The following IMMP2L variants were observed in gnomAD, a reference collection of about 807,000 sequenced individuals.
The protein encoded by IMMP2L is mitochondrial inner membrane protease subunit 2.
Under a neutral mutation model 19.3 loss-of-function variants are expected in IMMP2L, and 18 were observed. That is an observed-to-expected ratio of 0.93 (90% CI 0.64 to 1.38). The LOEUF is 1.38. IMMP2L is among the 40% of genes most tolerant of loss of function. The pLI is 0.00. For missense variants in IMMP2L, 233 were observed against 218.2 expected (o/e 1.07, Z -0.43); for synonymous variants, 76 against 73.0 (o/e 1.04, Z -0.21).
chr7:110,981,915 T>C (rs1461788032), intron 3 of IMMP2L, among the ~76,000 whole-genome samples: 2 of 152,156 alleles, frequency 1.3e-5, no homozygotes, highest in Admixed American at 6.5e-5. Context: ...CCTGGAATTA[T>C]AAGTACCTTC....
intron 5 of IMMP2L, among the ~76,000 whole-genome samples, chr7:110,859,043 G>A (rs1206572365): frequency 6.6e-6 from 1 of 152,076 alleles, no homozygotes; most frequent in Non-Finnish European, 1.5e-5. Flanking sequence ...ACCCCAAACA[G>A]ATAAGCAACT....
At chr7:110,698,911 GA>G (rs964156276) in intron 5 of IMMP2L, among the ~76,000 whole-genome samples, 8 of 152,104 alleles carry the variant, frequency 5.3e-5, no homozygotes, top group African/African-American at 1.9e-4. Flanking sequence ...GAAATATTTT[GA>G]ATTCTTATTT....
chr7:111,192,029 A>G (rs760475839), intron 3 of IMMP2L, among the ~76,000 whole-genome samples: 1 of 152,104 alleles, frequency 6.6e-6, no homozygotes, highest in Non-Finnish European at 1.5e-5. Flanking sequence ...CAGAAGTCGC[A>G]CTGGCACAGA....
At chr7:111,438,730 G>A (rs904965969) in intron 3 of IMMP2L, among the ~76,000 whole-genome samples, 1 of 151,794 alleles carries the variant, frequency 6.6e-6, no homozygotes, top group Non-Finnish European at 1.5e-5. Flanking sequence ...GATTAGTCAC[G>A]CTTCTTCCCA....
intron 5 of IMMP2L, among the ~76,000 whole-genome samples, chr7:110,695,120 T>C (rs1360146913): frequency 1.3e-5 from 2 of 151,948 alleles, no homozygotes; most frequent in Non-Finnish European, 2.9e-5. Context: ...GTAATGAAAA[T>C]ATTTTGGAAG....
intron 4 of IMMP2L, among the ~76,000 whole-genome samples, chr7:110,913,070 A>G (rs1024690544): frequency 2.6e-5 from 4 of 152,160 alleles, no homozygotes; most frequent in Admixed American, 1.3e-4. Context: ...TGTAGTTTCC[A>G]TGCTTTGTTG....
intron 4 of IMMP2L, among the ~76,000 whole-genome samples, chr7:110,957,242 A>G (rs1818444540): frequency 6.6e-6 from 1 of 151,962 alleles, no homozygotes; most frequent in Non-Finnish European, 1.5e-5. Context: ...TTCTCTGAAA[A>G]AGTACTCTGA....
intron 3 of IMMP2L, among the ~76,000 whole-genome samples, chr7:111,032,009 G>A (rs1585856796): frequency 7.0e-6 from 1 of 142,490 alleles, no homozygotes; most frequent in East Asian, 2.0e-4. Context: ...TGCGACTTCA[G>A]CTCACTGCAA....
chr7:111,012,322 T>C (rs1030320481), intron 3 of IMMP2L, among the ~76,000 whole-genome samples: 3 of 152,138 alleles, frequency 2.0e-5, no homozygotes, highest in Non-Finnish European at 4.4e-5. Flanking sequence ...GAGTACCTCA[T>C]ACAATGTTGC....
intron 3 of IMMP2L, among the ~76,000 whole-genome samples, chr7:111,226,108 T>C (rs1813064029): frequency 6.6e-6 from 1 of 151,970 alleles, no homozygotes; most frequent in African/African-American, 2.4e-5. Context: ...TTCTTCCCCA[T>C]TCCCTTTTTT....
chr7:111,051,169 G>A (rs1377261734), intron 3 of IMMP2L, among the ~76,000 whole-genome samples: 2 of 152,034 alleles, frequency 1.3e-5, no homozygotes, highest in Non-Finnish European at 2.9e-5. Context: ...TTTTTTTTAT[G>A]GTCTTAAGTA....
chr7:111,526,137 G>A (rs954619113), intron 1 of IMMP2L, among the ~76,000 whole-genome samples: 4 of 152,176 alleles, frequency 2.6e-5, no homozygotes, highest in African/African-American at 9.7e-5. Context: ...AATTTATTAC[G>A]TGAATTTTTA....
chr7:110,950,841 C>CGCATATATATATATAT (rs1817721849), intron 4 of IMMP2L, among the ~76,000 whole-genome samples: 1 of 100,614 alleles, frequency 9.9e-6, no homozygotes, highest in African/African-American at 4.3e-5. Flanking sequence ...CAAAATGTGG[C>CGCATATATATATATAT]ATATATATAT....
At chr7:111,521,522 A>G (rs1289098175) in intron 1 of IMMP2L, 73 bp from the exon 2 acceptor site, 10 of 1,389,254 alleles carry the variant, frequency 7.2e-6, no homozygotes, top group Admixed American at 2.2e-5. Flanking sequence ...AAAACAGTAC[A>G]TGAAAAGTAA....
chr7:111,394,607 T>C (rs1332458839), intron 3 of IMMP2L, among the ~76,000 whole-genome samples: 1 of 152,082 alleles, frequency 6.6e-6, no homozygotes, highest in South Asian at 2.1e-4. Flanking sequence ...CAAGCCGAAA[T>C]AAGTTAGTTC....
At chr7:111,540,378 A>C (rs1848406672) in intron 1 of IMMP2L, among the ~76,000 whole-genome samples, 1 of 152,192 alleles carries the variant, frequency 6.6e-6, no homozygotes, top group South Asian at 2.1e-4. Flanking sequence ...GCAATTGCAG[A>C]ACGGCACTTC....
At chr7:110,861,098 TGAGAGAGAGAGAGA>T (rs5886583) in intron 5 of IMMP2L, among the ~76,000 whole-genome samples, 5 of 141,730 alleles carry the variant, frequency 3.5e-5, no homozygotes, top group African/African-American at 1.3e-4. Flanking sequence ...TGTGTGTGTG[TGAGAGAGAGAGAGA>T]GAGAGAGAGA....
chr7:110,674,288 A>G (rs544206682), intron 5 of IMMP2L, among the ~76,000 whole-genome samples: 2 of 152,298 alleles, frequency 1.3e-5, no homozygotes, highest in African/African-American at 4.8e-5. Context: ...AACTGCCTCC[A>G]TGATTCAAAT....
intron 4 of IMMP2L, among the ~76,000 whole-genome samples, chr7:110,922,290 A>G (rs549338413): frequency 4.6e-5 from 7 of 152,294 alleles, no homozygotes; most frequent in Non-Finnish European, 8.8e-5. Context: ...GCTTAAGTGC[A>G]ATTCTACTTC....
Sources: allele counts gnomAD v4.1 joint callset (sites outside exome capture counted in the v4.1 genomes callset), GRCh38; gene constraint gnomAD v4.1.1; transcripts MANE v1.5; gene names NCBI Gene and HGNC (gene_info 2026-07-23, HGNC 2026-07-21).